SDK1: variants seen among roughly 807,000 people sequenced by gnomAD.
The protein encoded by SDK1 is protein sidekick-1.
In SDK1, 157 loss-of-function variants were observed where a neutral mutation model predicts 245.5. The observed-to-expected ratio is 0.64, with a 90% CI of 0.56 to 0.73. The LOEUF is 0.73. Ranked by LOEUF, SDK1 falls within the 30% of genes least tolerant of loss-of-function variation. SDK1 has a pLI of 0.00. For synonymous variants in SDK1, 1,647 were observed against 1,278.5 expected (o/e 1.29, Z -6.15); for missense variants, 3,583 against 3,002.3 (o/e 1.19, Z -4.52).
chr7:3,440,387 T>C (rs1360119974), intron 1 of SDK1, among the ~76,000 whole-genome samples: 1 of 152,158 alleles, frequency 6.6e-6, no homozygotes, highest in African/African-American at 2.4e-5. Flanking sequence ...TGAACAGGAA[T>C]GGTAAGCTGC....
At chr7:3,686,418 T>G (rs1314249652) in intron 4 of SDK1, among the ~76,000 whole-genome samples, 4 of 152,170 alleles carry the variant, frequency 2.6e-5, no homozygotes, top group Non-Finnish European at 5.9e-5. Context: ...GCGTCTGTAT[T>G]AACATCAGAC....
intron 35 of SDK1, among the ~76,000 whole-genome samples, chr7:4,186,711 G>A (rs1782919255): frequency 6.6e-6 from 1 of 152,140 alleles, no homozygotes; most frequent in Non-Finnish European, 1.5e-5. Flanking sequence ...GAGACCAGAA[G>A]CCCCCAGCCC....
intron 1 of SDK1, among the ~76,000 whole-genome samples, chr7:3,611,455 C>T (rs1781585095): frequency 6.6e-6 from 1 of 152,178 alleles, no homozygotes; most frequent in Non-Finnish European, 1.5e-5. Context: ...GCCTGAACTG[C>T]CCTGTCCTCA....
intron 5 of SDK1, among the ~76,000 whole-genome samples, chr7:3,833,092 T>C (rs1779948974): frequency 1.3e-5 from 2 of 152,100 alleles, no homozygotes; most frequent in Admixed American, 1.3e-4. Flanking sequence ...GTGTGAAGGC[T>C]ATAACGGTTT....
chr7:3,365,622 T>G (rs1401054490), intron 1 of SDK1, among the ~76,000 whole-genome samples: 1 of 152,246 alleles, frequency 6.6e-6, no homozygotes, highest in Non-Finnish European at 1.5e-5. Context: ...GTATTAAAAT[T>G]AAAACTATTG....
At position 4,166,958 on chromosome 7, in the gene SDK1, GC is replaced by G. The variant is rs147124638; in HGVS notation, c.4800+5104del. Reference sequence around the variant, plus strand: ...GAGAGAGGCTTTCCCTGCAGGTCCTGCCTCCTCCTACCCCCAGGCCTTCCCT... The same window carrying G: ...GAGAGAGGCTTTCCCTGCAGGTCCTGCTCCTCCTACCCCCAGGCCTTCCCT... On this transcript the variant is annotated intron_variant, in intron 32 of 44. Coordinates refer to ENST00000404826, the MANE Select transcript of SDK1 (RefSeq NM_152744.4). Among the ~76,000 whole-genome samples, 91 of 152,270 alleles carry G rather than the reference GC, an allele frequency of 6.0e-4. No individual in the cohort carries two copies. The East Asian group carries it at 0.013, about 22-fold the overall frequency.
intron 14 of SDK1, among the ~76,000 whole-genome samples, chr7:4,004,976 A>G (rs1785350259): frequency 6.7e-6 from 1 of 148,672 alleles, no homozygotes; most frequent in Non-Finnish European, 1.5e-5. Flanking sequence ...CAGTTGTCCT[A>G]TAGAAGGCCC....
At chr7:3,310,831 T>C (rs1252074432) in intron 1 of SDK1, among the ~76,000 whole-genome samples, 1 of 152,162 alleles carries the variant, frequency 6.6e-6, no homozygotes, top group Admixed American at 6.5e-5. Context: ...TTTGCATCCT[T>C]GGGTTGGCTA....
chr7:3,580,706 C>G (rs146634424), intron 1 of SDK1, among the ~76,000 whole-genome samples: 2 of 152,070 alleles, frequency 1.3e-5, no homozygotes, highest in Non-Finnish European at 2.9e-5. Flanking sequence ...TGGTGGCTCA[C>G]GCCTGTAATC....
At chr7:4,101,663 A>T (rs1782557806) in intron 22 of SDK1, among the ~76,000 whole-genome samples, 1 of 152,150 alleles carries the variant, frequency 6.6e-6, no homozygotes, top group Non-Finnish European at 1.5e-5. Context: ...AGAGCCTTCC[A>T]CAGGCGGAGC....
chr7:3,933,387 A>G (rs1562546956), intron 5 of SDK1, among the ~76,000 whole-genome samples: 1 of 152,172 alleles, frequency 6.6e-6, no homozygotes, highest in Admixed American at 6.5e-5. Flanking sequence ...TGCTGGGATT[A>G]CAGGTGTGAG....
rs150029882 is a variant in SDK1, at chr7:3,526,840, T to C, written c.299-92240T>C. 4.6e-5 allele frequency among the ~76,000 whole-genome samples: 7 copies of C among 152,334 alleles called. No homozygotes were observed. In the East Asian group the frequency reaches 1.2e-3, roughly 25 times the overall value. On this transcript the variant is annotated intron_variant, in intron 1 of 44. Coordinates refer to ENST00000404826, the MANE Select transcript of SDK1 (RefSeq NM_152744.4). ...CTAGAGTATGCATTTTTGAATCTTA[T>C]ATATATCTTCCAGATTTAGCTTTAT...
intron 19 of SDK1, among the ~76,000 whole-genome samples, chr7:4,060,553 A>AT (rs1779473336): frequency 6.6e-6 from 1 of 151,954 alleles, no homozygotes. Flanking sequence ...CCTTTGTCAG[A>AT]TGAGTAGGTT....
chr7:3,540,615 A>G (rs1779028344), intron 1 of SDK1, among the ~76,000 whole-genome samples: 1 of 152,234 alleles, frequency 6.6e-6, no homozygotes, highest in Non-Finnish European at 1.5e-5. Flanking sequence ...GTCAGAGAAC[A>G]CAGTGAATTG....
chr7:3,774,937 G>T (rs534163139), intron 4 of SDK1, among the ~76,000 whole-genome samples: 1 of 152,268 alleles, frequency 6.6e-6, no homozygotes, highest in East Asian at 1.9e-4. Context: ...TGCTTCTATG[G>T]TGGGTCCTCT....
intron 35 of SDK1, among the ~76,000 whole-genome samples, chr7:4,182,744 G>T (rs993982935): frequency 5.3e-5 from 8 of 152,236 alleles, no homozygotes; most frequent in African/African-American, 1.9e-4. Context: ...TGAGGCTCCT[G>T]GCAGTAGGGA....
chr7:3,633,954 C>T (rs1251905797), intron 2 of SDK1, among the ~76,000 whole-genome samples: 1 of 152,120 alleles, frequency 6.6e-6, no homozygotes, highest in Non-Finnish European at 1.5e-5. Context: ...GGACACTCCC[C>T]TACTCCCCTG....
intron 4 of SDK1, among the ~76,000 whole-genome samples, chr7:3,720,547 A>G (rs1785337802): frequency 6.6e-6 from 1 of 152,238 alleles, no homozygotes; most frequent in South Asian, 2.1e-4. Flanking sequence ...CAAACCCATC[A>G]GAATGGATAA....
At chr7:3,348,461 C>T (rs1034250101) in intron 1 of SDK1, among the ~76,000 whole-genome samples, 3 of 149,756 alleles carry the variant, frequency 2.0e-5, no homozygotes, top group African/African-American at 4.9e-5. Flanking sequence ...AGCAGAAAAC[C>T]GAAAACAACA....
Sources: gnomAD v4.1 joint callset for allele counts (sites outside exome capture counted in the v4.1 genomes callset) on GRCh38, gnomAD v4.1.1 for gene constraint, MANE v1.5 for transcripts, NCBI Gene and HGNC (gene_info 2026-07-23, HGNC 2026-07-21) for gene names.